PDE11A: variants seen among roughly 807,000 people sequenced by gnomAD.
The protein encoded by PDE11A is dual 3',5'-cyclic-AMP and -GMP phosphodiesterase 11A.
In PDE11A, 100 loss-of-function variants were observed where a neutral mutation model predicts 100.5. The ratio of observed to expected loss-of-function variants is 1.00; its 90% CI spans 0.85 to 1.18. The LOEUF (loss-of-function observed/expected upper bound fraction) is 1.18. PDE11A is among the 50% of genes most tolerant of loss of function. PDE11A has a pLI of 0.00. For missense variants in PDE11A, 1,141 were observed against 1,152.6 expected (o/e 0.99, Z 0.15); for synonymous variants, 381 against 420.8 (o/e 0.91, Z 1.16).
intron 5 of PDE11A, among the ~76,000 whole-genome samples, chr2:177,845,429 G>T (rs1390889027): frequency 6.6e-6 from 1 of 150,672 alleles, no homozygotes; most frequent in Non-Finnish European, 1.5e-5. Flanking sequence ...CATCTCAGAC[G>T]ATGGGCGGCC....
In PDE11A at chr2:177,842,610, G is replaced by T. The variant is rs550491717; in HGVS notation, c.1368-2227C>A. ...TGTGATTTTAGAAAGCTTAATCCAGGTACAATGAGCAAGAAGAACTGGGTA... is the reference window on the plus strand; with the variant it reads ...TGTGATTTTAGAAAGCTTAATCCAGTTACAATGAGCAAGAAGAACTGGGTA... On this transcript the variant is annotated intron_variant, in intron 5 of 19. Coordinates refer to ENST00000286063, the MANE Select transcript of PDE11A (RefSeq NM_016953.4). Among the ~76,000 whole-genome samples, 9 of 152,208 alleles carry T rather than the reference G, an allele frequency of 5.9e-5. No homozygotes were observed. In the South Asian group the frequency reaches 1.9e-3, roughly 31 times the overall value.
At chr2:177,962,510 T>C (rs2085647469) in intron 2 of PDE11A, among the ~76,000 whole-genome samples, 1 of 152,142 alleles carries the variant, frequency 6.6e-6, no homozygotes, top group African/African-American at 2.4e-5. Flanking sequence ...ACAGTGTTAA[T>C]CACATGAGAT....
At chr2:178,034,548 C>G (rs1449170939) in intron 1 of PDE11A, among the ~76,000 whole-genome samples, 1 of 152,156 alleles carries the variant, frequency 6.6e-6, no homozygotes, top group Non-Finnish European at 1.5e-5. Flanking sequence ...ACAGAACTCT[C>G]CACCCCAAAT....
intron 9 of PDE11A, among the ~76,000 whole-genome samples, chr2:177,770,539 G>A (rs1462207577): frequency 2.1e-5 from 3 of 139,732 alleles, no homozygotes; most frequent in African/African-American, 8.9e-5. Flanking sequence ...GAGTGTCGGC[G>A]CTGCTTCTTT....
At chr2:177,853,655 T>C (rs1462485351) in intron 5 of PDE11A, among the ~76,000 whole-genome samples, 1 of 24,092 alleles carries the variant, frequency 4.2e-5, no homozygotes, top group Non-Finnish European at 8.8e-5. Context: ...TATATATATA[T>C]ATATATATAT....
intron 2 of PDE11A, among the ~76,000 whole-genome samples, chr2:178,008,083 T>C (rs1422190267): frequency 6.6e-6 from 1 of 152,148 alleles, no homozygotes; most frequent in East Asian, 1.9e-4. Context: ...AAAAATGAAA[T>C]GAGAACACAA....
intron 2 of PDE11A, among the ~76,000 whole-genome samples, chr2:178,078,263 AGCTGT>A (rs987625810): frequency 6.6e-6 from 1 of 152,124 alleles, no homozygotes; most frequent in Non-Finnish European, 1.5e-5. Flanking sequence ...CCCAGTAAAA[AGCTGT>A]GCTGTGTCCT....
upstream of PDE11A, among the ~76,000 whole-genome samples, chr2:178,074,987 C>G (rs2087189131): frequency 6.6e-6 from 1 of 152,158 alleles, no homozygotes; most frequent in Non-Finnish European, 1.5e-5. Flanking sequence ...CACTCTCAAT[C>G]TGCAGAATGG....
At chr2:178,097,704 A>G (rs746092115) in intron 2 of PDE11A, among the ~76,000 whole-genome samples, 62 of 152,360 alleles carry the variant, frequency 4.1e-4, no homozygotes, top group Non-Finnish European at 6.6e-4. Flanking sequence ...TGCTGCTAGC[A>G]CAATCAGACT....
chr2:177,677,513 C>A (rs1488516676), intron 16 of PDE11A, among the ~76,000 whole-genome samples: 1 of 152,110 alleles, frequency 6.6e-6, no homozygotes, highest in East Asian at 1.9e-4. Flanking sequence ...CCATCTGGCA[C>A]TGGGGAGTCA....
intron 9 of PDE11A, among the ~76,000 whole-genome samples, chr2:177,803,227 T>C (rs888726659): frequency 3.3e-5 from 5 of 151,656 alleles, no homozygotes; most frequent in Admixed American, 2.0e-4. Flanking sequence ...GCAAAATCCC[T>C]CATTAAAAGC....
At chr2:177,994,439 T>A in intron 2 of PDE11A, among the ~76,000 whole-genome samples, 1 of 152,218 alleles carries the variant, frequency 6.6e-6, no homozygotes. Context: ...ACATTTTACA[T>A]CATTGAACCA....
chr2:177,787,871 C>T (rs975632139), intron 9 of PDE11A, among the ~76,000 whole-genome samples: 5 of 152,156 alleles, frequency 3.3e-5, no homozygotes, highest in African/African-American at 7.2e-5. Flanking sequence ...AATACAGGAG[C>T]ACCCAGATTC....
intron 4 of PDE11A, among the ~76,000 whole-genome samples, chr2:177,887,781 A>T (rs2084462820): frequency 6.6e-6 from 1 of 152,084 alleles, no homozygotes; most frequent in African/African-American, 2.4e-5. Flanking sequence ...AACAAAAAGG[A>T]TTTTGCTCCC....
upstream of PDE11A, among the ~76,000 whole-genome samples, chr2:178,073,582 T>C (rs1460410822): frequency 6.6e-6 from 1 of 152,128 alleles, no homozygotes; most frequent in Non-Finnish European, 1.5e-5. Context: ...GTGATCAAGA[T>C]TTAAAAAGAA....
chr2:178,041,128 C>T (rs966650016), intron 1 of PDE11A, among the ~76,000 whole-genome samples: 4 of 151,988 alleles, frequency 2.6e-5, no homozygotes, highest in Admixed American at 1.3e-4. Context: ...TTAGTAGATA[C>T]GAGGTCTCGC....
Position 177,895,417 on chromosome 2 carries a change from C to T in PDE11A, c.1302+2641G>A, listed in dbSNP as rs940559633. Among the ~76,000 whole-genome samples the T allele has an allele frequency of 9.2e-5, 14 of 151,778 alleles. 1 individual carries two copies. The highest frequency in any genetic ancestry group is 6.3e-3 in the Middle Eastern group (2 of 316). Reference sequence around the variant, plus strand: ...AAAATAACAAAAATTAGCTGGGTATCGTGGTGGGTGCCTGTTATCCCAGCA... The same window carrying T: ...AAAATAACAAAAATTAGCTGGGTATTGTGGTGGGTGCCTGTTATCCCAGCA... On this transcript the variant is annotated intron_variant, in intron 4 of 19. Coordinates refer to ENST00000286063, the MANE Select transcript of PDE11A (RefSeq NM_016953.4).
At chr2:177,770,486 G>T (rs1203874402) in intron 9 of PDE11A, among the ~76,000 whole-genome samples, 1 of 152,242 alleles carries the variant, frequency 6.6e-6, no homozygotes, top group Non-Finnish European at 1.5e-5. Context: ...GGTCCTATAG[G>T]GTGGCCTTTA....
intron 5 of PDE11A, among the ~76,000 whole-genome samples, chr2:177,852,346 C>A (rs1574215764): frequency 1.3e-5 from 2 of 151,988 alleles, no homozygotes; most frequent in East Asian, 1.9e-4. Flanking sequence ...ACTCAAATAA[C>A]TATTTGGGAC....
Sources: gnomAD v4.1 joint callset for allele counts (sites outside exome capture counted in the v4.1 genomes callset) on GRCh38, gnomAD v4.1.1 for gene constraint, MANE v1.5 for transcripts, NCBI Gene and HGNC (gene_info 2026-07-23, HGNC 2026-07-21) for gene names.